The following SCYL2 variants were observed in gnomAD, a reference collection of about 807,000 sequenced individuals.
SCYL2 encodes SCY1 like pseudokinase 2.
In SCYL2, 36 loss-of-function variants were observed where a neutral mutation model predicts 100.4. The observed-to-expected ratio is 0.36, with a 90% CI of 0.27 to 0.47. The LOEUF (loss-of-function observed/expected upper bound fraction) is 0.47, where lower values mean the gene tolerates loss of function less well. Among genes scored for constraint, SCYL2 ranks in the 20% least tolerant of loss-of-function variants. The pLI is 1.00. For missense variants in SCYL2, 902 were observed against 1,083.9 expected, an observed-to-expected ratio of 0.83 and a Z score of 2.36; for synonymous variants, 330 against 359.2, an observed-to-expected ratio of 0.92 and a Z score of 0.92.
At chr12:100,297,998 T>A (rs779463443) in intron 3 of SCYL2, 33 bp from the exon 4 acceptor site, 1 of 1,525,044 alleles carries the variant, frequency 6.6e-7, no homozygotes, top group African/African-American at 1.4e-5. Context: ...TGTAATAATA[T>A]GATAGTAAAT....
chr12:100,277,719 T>G (rs2096293987), intron 1 of SCYL2, among the ~76,000 whole-genome samples: 1 of 152,216 alleles, frequency 6.6e-6, no homozygotes, highest in Non-Finnish European at 1.5e-5. Context: ...ATTGATATGG[T>G]TGGATTTAAG....
intron 3 of SCYL2, among the ~76,000 whole-genome samples, chr12:100,297,457 A>G (rs1338060894): frequency 2.0e-5 from 3 of 152,230 alleles, no homozygotes; most frequent in Non-Finnish European, 4.4e-5. Context: ...ATGAAAGACT[A>G]GTAATTTAAA....
chr12:100,332,743 C>T, intron 13 of SCYL2, among the ~76,000 whole-genome samples: 1 of 146,846 alleles, frequency 6.8e-6, no homozygotes, highest in Admixed American at 6.9e-5. Flanking sequence ...GAGACAGGGT[C>T]TCACTCTGTC....
At chr12:100,290,573 A>C (rs2096309414) in intron 2 of SCYL2, among the ~76,000 whole-genome samples, 2 of 152,220 alleles carry the variant, frequency 1.3e-5, no homozygotes, top group South Asian at 4.1e-4. Context: ...GAAAATAATT[A>C]GAAGAGAAAA....
chr12:100,331,551 T>C (rs1005070947), intron 13 of SCYL2, among the ~76,000 whole-genome samples: 2 of 152,126 alleles, frequency 1.3e-5, no homozygotes, highest in African/African-American at 2.4e-5. Context: ...AAGGTTGCAG[T>C]GATTTGAGAT....
In SCYL2 at chr12:100,314,402, T is replaced by A. The variant is rs538115541; in HGVS notation, c.970-87T>A. ...CATTTTGCTAAATGTTTCTGAGTATTTTTTTTACCATATTGTGACAGTTTC... is the reference window on the plus strand; with the variant it reads ...CATTTTGCTAAATGTTTCTGAGTATATTTTTTACCATATTGTGACAGTTTC... On this transcript the variant is annotated intron_variant, in intron 7 of 17. Transcript: ENST00000360820. 6 of 970,496 alleles carry A rather than the reference T, an allele frequency of 6.2e-6. No individual in the cohort carries two copies. In the South Asian group the frequency reaches 8.1e-5, roughly 13 times the overall value. 60.1% of individuals were successfully genotyped at this position (970,496 alleles called of 1,614,324 possible). A position where few individuals can be genotyped will look rare whatever the true frequency, so the allele number is the denominator to read the frequency against.
At chr12:100,272,281 TAATC>T (rs1261084549) in intron 1 of SCYL2, among the ~76,000 whole-genome samples, 2 of 152,212 alleles carry the variant, frequency 1.3e-5, no homozygotes, top group African/African-American at 2.4e-5. Flanking sequence ...TTTTCTTCAT[TAATC>T]AAAGGAAAAA....
intron 13 of SCYL2, among the ~76,000 whole-genome samples, chr12:100,330,688 G>T (rs938769477): frequency 2.0e-5 from 3 of 152,188 alleles, no homozygotes; most frequent in Non-Finnish European, 4.4e-5. Flanking sequence ...GCTGGAAGTT[G>T]AGAGCGTTTG....
intron 4 of SCYL2, among the ~76,000 whole-genome samples, chr12:100,301,125 G>A (rs542083999): frequency 4.7e-4 from 71 of 152,290 alleles, no homozygotes; most frequent in Middle Eastern, 3.4e-3. Flanking sequence ...AACAGTGTAC[G>A]AGGGTTCTAT....
intron 2 of SCYL2, among the ~76,000 whole-genome samples, 169 bp downstream of exon 2, chr12:100,283,316 T>C (rs1317634989): frequency 6.6e-6 from 1 of 152,242 alleles, no homozygotes; most frequent in African/African-American, 2.4e-5. Context: ...ACAAATGCTT[T>C]TAAACATGCT....
Position 100,309,945 on chromosome 12 carries a change from A to C in SCYL2, c.481-1099A>C, listed in dbSNP as rs2096340126. Among the ~76,000 whole-genome samples, 3 of 151,342 alleles carry C rather than the reference A, an allele frequency of 2.0e-5. No individual in the cohort carries two copies. The South Asian group carries it at 6.3e-4, about 32-fold the overall frequency. ...AGTTATTATTTTTTTCTCTCTCTCT[A>C]TTTTAATTATCCCATGGTATGTAAA... On this transcript the variant is annotated intron_variant, in intron 4 of 17. Transcript: ENST00000360820.
At chr12:100,333,825 T>C (rs1276281630) in intron 13 of SCYL2, 2 of 163,876 alleles carry the variant, frequency 1.2e-5, no homozygotes, top group Non-Finnish European at 2.6e-5. Context: ...TTTTGAATTA[T>C]CCCAAGAAGA....
intron 1 of SCYL2, among the ~76,000 whole-genome samples, chr12:100,277,523 C>G (rs941331106): frequency 1.3e-5 from 2 of 152,162 alleles, no homozygotes; most frequent in African/African-American, 4.8e-5. Flanking sequence ...TCTTTGTCTT[C>G]AAGCTTATTC....
chr12:100,331,426 G>A (rs1952207247), intron 13 of SCYL2, among the ~76,000 whole-genome samples: 1 of 152,066 alleles, frequency 6.6e-6, no homozygotes, highest in East Asian at 1.9e-4. Context: ...TGGGCAACAT[G>A]GTGAAACCCC....
At chr12:100,317,691 TG>T in intron 9 of SCYL2, 111 bp from the exon 10 acceptor site, 1 of 1,430,022 alleles carries the variant, frequency 7.0e-7, no homozygotes, top group South Asian at 1.6e-5. Context: ...GCTAGCAACA[TG>T]GTGAGTGTCA....
At chr12:100,295,421 T>C (rs1356525806) in intron 3 of SCYL2, among the ~76,000 whole-genome samples, 2 of 151,946 alleles carry the variant, frequency 1.3e-5, no homozygotes, top group African/African-American at 4.8e-5. Flanking sequence ...GAGCACTGAG[T>C]GAACGAGACT....
At chr12:100,314,371 C>G in intron 7 of SCYL2, 118 bp from the exon 8 acceptor site, 1 of 671,954 alleles carries the variant, frequency 1.5e-6, no homozygotes. Context: ...CTAAGGTGAT[C>G]TTCAGCATTT....
chr12:100,312,889 C>T (rs1457312323), intron 6 of SCYL2, among the ~76,000 whole-genome samples: 5 of 151,996 alleles, frequency 3.3e-5, no homozygotes, highest in East Asian at 1.9e-4. Context: ...AGACCCAAGG[C>T]GGGTGGATCA....
rs142281097 is a variant in SCYL2 at position 100,339,129 on chromosome 12, A to G, written c.2747A>G (p.Asn916Ser). The G allele has an allele frequency of 7.0e-5, 113 of 1,613,912 alleles. No homozygotes were observed. The African/African-American group carries it at 9.9e-4, about 14-fold the overall frequency. The change falls in exon 18 of 18, where the codon AAT (asparagine) becomes AGT (serine). Residue 916 changes from asparagine to serine, a missense_variant. Transcript: ENST00000360820. ...NFAQPPTTMT[N>S]SSSASNDLKD... is the part of the protein sequence containing the mutation. ...GCACAGCCACCAACTACTATGACCAATAGCAGTTCAGCTAGCAATGATTTA... is the reference window on the plus strand; with the variant it reads ...GCACAGCCACCAACTACTATGACCAGTAGCAGTTCAGCTAGCAATGATTTA...
Sources: allele counts gnomAD v4.1 joint callset (sites outside exome capture counted in the v4.1 genomes callset), GRCh38; gene constraint gnomAD v4.1.1; transcripts MANE v1.5; gene names NCBI Gene and HGNC (gene_info 2026-07-23, HGNC 2026-07-21).